The following VCL variants were observed in gnomAD, a reference collection of about 807,000 sequenced individuals.
VCL encodes epididymis luminal protein 114.
A neutral mutation model predicts 125.7 loss-of-function variants in VCL; 47 were observed. The observed-to-expected ratio is 0.37, with a 90% confidence interval of 0.30 to 0.48. The LOEUF (loss-of-function observed/expected upper bound fraction) is 0.48, where lower values mean the gene tolerates loss of function less well. VCL is among the 20% of genes least tolerant of loss of function. The pLI is 0.99. For missense variants in VCL, 1,069 were observed against 1,455.5 expected (o/e 0.73, Z 4.32); for synonymous variants, 458 against 514.6 (o/e 0.89, Z 1.49).
intron 1 of VCL, among the ~76,000 whole-genome samples, chr10:74,032,064 C>CAAAAAAA (rs35715975): frequency 4.8e-5 from 1 of 21,032 alleles, no homozygotes; most frequent in African/African-American, 2.3e-4. Context: ...AACTCCATCT[C>CAAAAAAA]AAAAAAAAAA....
At chr10:74,087,368 C>T (rs1240927481) in intron 8 of VCL, among the ~76,000 whole-genome samples, 7 of 122,138 alleles carry the variant, frequency 5.7e-5, no homozygotes, top group South Asian at 2.5e-4. Context: ...TTTTTTGAGA[C>T]GGAGTCTCGC....
At chr10:74,003,736 T>A (rs1256509158) in intron 1 of VCL, among the ~76,000 whole-genome samples, 1 of 152,176 alleles carries the variant, frequency 6.6e-6, no homozygotes, top group Non-Finnish European at 1.5e-5. Flanking sequence ...TTTGTTGTTG[T>A]TTAGAGATGG....
rs373701519 is a variant in VCL at position 74,093,310 on chromosome 10, C to A, written c.1353-961C>A. Among the ~76,000 whole-genome samples, 493 of 151,702 alleles carry A rather than the reference C, an allele frequency of 3.2e-3. 6 individuals carry two copies. The highest frequency in any genetic ancestry group is 0.011 in the African/African-American group (463 of 41,392). Reference sequence around the variant, plus strand: ...AGACTCCATCTCAAAACAAAACAAACAAAAAAAAGTGTGGCGACTCTGAAG... The same window carrying A: ...AGACTCCATCTCAAAACAAAACAAAAAAAAAAAAGTGTGGCGACTCTGAAG... On this transcript the variant is annotated intron_variant, in intron 10 of 21. Coordinates refer to ENST00000211998, the MANE Select transcript of VCL (RefSeq NM_014000.3).
intron 2 of VCL, among the ~76,000 whole-genome samples, chr10:74,045,380 T>TG (rs768443759): frequency 6.6e-6 from 1 of 151,936 alleles, no homozygotes; most frequent in Non-Finnish European, 1.5e-5. Context: ...CCCAGTACTT[T>TG]GGGAGACCAA....
intron 21 of VCL, 58 bp downstream of exon 21, chr10:74,114,957 T>G: frequency 6.7e-7 from 1 of 1,490,560 alleles, no homozygotes; most frequent in Non-Finnish European, 9.2e-7. Context: ...TTTGCAGTAA[T>G]TTAACTCTGC....
intron 10 of VCL, among the ~76,000 whole-genome samples, chr10:74,093,279 AC>A (rs1275449461): frequency 6.6e-6 from 1 of 152,150 alleles, no homozygotes; most frequent in African/African-American, 2.4e-5. Flanking sequence ...CCTGGGCAAC[AC>A]AGCGAGACTC....
At chr10:74,010,237 C>T (rs190281515) in intron 1 of VCL, among the ~76,000 whole-genome samples, 30 of 152,194 alleles carry the variant, frequency 2.0e-4, no homozygotes, top group Middle Eastern at 3.4e-3. Flanking sequence ...CCTTTTTCTT[C>T]TTAACAAGTT....
chr10:74,020,840 CA>C (rs567412270), intron 1 of VCL, among the ~76,000 whole-genome samples: 3,519 of 66,578 alleles, frequency 0.053, 128 homozygotes, highest in African/African-American at 0.19. Flanking sequence ...GACCTTGTCT[CA>C]AAAAAAAAAA....
chr10:74,000,561 C>T (rs1003377018), intron 1 of VCL, among the ~76,000 whole-genome samples: 8 of 152,068 alleles, frequency 5.3e-5, no homozygotes, highest in African/African-American at 1.2e-4. Flanking sequence ...ACTACAGGTT[C>T]GCACCACCGT....
intron 16 of VCL, 66 bp from the exon 17 acceptor site, chr10:74,107,164 T>C: frequency 6.2e-7 from 1 of 1,613,172 alleles, no homozygotes; most frequent in South Asian, 1.1e-5. Context: ...CCAGTTCTGC[T>C]GCTGCACAGA....
At chr10:74,121,132 A>C (rs1378901788), downstream of VCL, 4 of 152,208 alleles carry the variant, frequency 2.6e-5, no homozygotes, top group Non-Finnish European at 5.9e-5. Context: ...AGCCTGCTTG[A>C]GTTAAGGGAA....
Position 74,105,263 on chromosome 10 carries a change from G to A in VCL, c.2344G>A (p.Ala782Thr). The A allele has an allele frequency of 2.5e-6, 4 of 1,614,002 alleles. 1 individual carries two copies. In the South Asian group the frequency reaches 3.3e-5, roughly 13 times the overall value. Reference protein sequence around the residue: ...ENSEDPKFREAVKAASDELSK... With the variant: ...ENSEDPKFRETVKAASDELSK... Reference sequence around the variant, plus strand: ...TTCCGAGGATCCCAAGTTCCGTGAGGCTGTGAAAGCTGCCTCTGATGAATT... The same window carrying A: ...TTCCGAGGATCCCAAGTTCCGTGAGACTGTGAAAGCTGCCTCTGATGAATT... Residue 782 changes from alanine to threonine, a missense_variant, in exon 16 of 22, where the codon GCT becomes ACT. Transcript: ENST00000211998.
At position 74,043,114 on chromosome 10, in the gene VCL, A is replaced by G. The variant is rs1215296365; in HGVS notation, c.200A>G (p.Asp67Gly). 1 of 1,613,442 alleles carries G rather than the reference A, an allele frequency of 6.2e-7. No individual in the cohort carries two copies. Among genetic ancestry groups the G allele is most frequent in the South Asian group, 1.1e-5 (1 of 91,062 alleles). ...VGKETVQTTE[D>G]QILKRDMPPA... The stretch of plus-strand genomic sequence containing the variant: ...AAAGAGACTGTTCAAACCACTGAGG[A>G]TCAGATTTTGAAGAGAGATATGCCA... The change falls in exon 2 of 22, where the codon GAT becomes GGT. Residue 67 changes from aspartate to glycine, a missense_variant. Physicochemically the swap from Asp to Gly is moderately conservative, Grantham distance 94. Coordinates refer to ENST00000211998, the MANE Select transcript of VCL (RefSeq NM_014000.3).
intron 11 of VCL, among the ~76,000 whole-genome samples, 193 bp downstream of exon 11, chr10:74,094,654 C>G (rs1839938101): frequency 1.3e-5 from 2 of 152,136 alleles, no homozygotes; most frequent in Non-Finnish European, 2.9e-5. Context: ...GGCATGGTGG[C>G]TCATGTTTGT....
At chr10:74,015,770 C>T (rs866916932) in intron 1 of VCL, among the ~76,000 whole-genome samples, 3 of 151,526 alleles carry the variant, frequency 2.0e-5, no homozygotes, top group Admixed American at 6.6e-5. Context: ...CTGCAACCTC[C>T]GCCTCCCAGG....
intron 10 of VCL, 61 bp from the exon 11 acceptor site, chr10:74,094,210 T>C: frequency 6.2e-7 from 1 of 1,602,400 alleles, no homozygotes; most frequent in Non-Finnish European, 8.5e-7. Context: ...CATTAGCAGC[T>C]AAGTGATCTC....
chr10:74,016,585 T>G (rs1361881788), intron 1 of VCL, among the ~76,000 whole-genome samples: 3 of 152,072 alleles, frequency 2.0e-5, no homozygotes, highest in Non-Finnish European at 4.4e-5. Context: ...AGACTCTGTC[T>G]CAAAAAGAAA....
At chr10:74,083,264 T>A (rs1839708486) in intron 7 of VCL, 102 bp from the exon 8 acceptor site, 1 of 1,508,628 alleles carries the variant, frequency 6.6e-7, no homozygotes, top group African/African-American at 1.4e-5. Context: ...CTCGTCTTGT[T>A]TAAAATCATC....
In VCL at chr10:74,071,545, A is replaced by C. The variant is rs1303407684; in HGVS notation, c.499+462A>C. Among the ~76,000 whole-genome samples, 1 of 152,188 alleles carries C rather than the reference A, an allele frequency of 6.6e-6. No homozygotes were observed. Among genetic ancestry groups the C allele is most frequent in the Non-Finnish European group, 1.5e-5 (1 of 68,036 alleles). ...TAATCAGACCTAGGAGAGAAGAGCT[A>C]TTGTGGTTAAATCTTATTTTGAAAT... On this transcript the variant is annotated intron_variant, in intron 4 of 21. Transcript: ENST00000211998. This position sits in a 1 kb window ranked among gnomAD's most constrained non-coding sequence, Gnocchi z 4.1.
Sources: allele counts gnomAD v4.1 joint callset (sites outside exome capture counted in the v4.1 genomes callset), GRCh38; gene constraint gnomAD v4.1.1; non-coding constraint Gnocchi (gnomAD v3.1); transcripts MANE v1.5; gene names NCBI Gene and HGNC (gene_info 2026-07-23, HGNC 2026-07-21).